The following MAML2 variants were observed in gnomAD, a reference collection of about 807,000 sequenced individuals.
MAML2 encodes the protein mastermind-like protein 2.
Under a neutral mutation model 96.1 loss-of-function variants are expected in MAML2, and 22 were observed. The ratio of observed to expected loss-of-function variants is 0.23; its 90% CI spans 0.16 to 0.33. MAML2 has a LOEUF of 0.33. MAML2 is among the 10% of genes least tolerant of loss of function. The pLI is 1.00. For missense variants in MAML2, 1,367 were observed against 1,392.4 expected (o/e 0.98, Z 0.29); for synonymous variants, 561 against 521.3 (o/e 1.08, Z -1.04).
chr11:96,023,754 A>G (rs1858472722), intron 2 of MAML2, among the ~76,000 whole-genome samples: 2 of 152,202 alleles, frequency 1.3e-5, no homozygotes, highest in South Asian at 4.1e-4. Flanking sequence ...GAACATTTCC[A>G]GGCTTAGAGC....
rs6144460 is a variant in MAML2 at position 96,058,294 on chromosome 11, T to TTTTG, written c.2139+33594_2139+33597dup. On this transcript the variant is annotated intron_variant, in intron 2 of 4. Transcript: ENST00000524717. The stretch of plus-strand genomic sequence containing the variant: ...ATGAGGCCATCCAAGTCCAAGCAGT[T>TTTTG]TTTGTTTGTTTGTTTGTTTTGTTTT... Among the ~76,000 whole-genome samples, 448 of 151,110 alleles carry TTTTG rather than the reference T, an allele frequency of 3.0e-3. 1 individual carries two copies. Among genetic ancestry groups the TTTTG allele is most frequent in the African/African-American group, 9.9e-3 (406 of 41,212 alleles).
chr11:96,166,130 T>TC (rs1565234950), intron 1 of MAML2, among the ~76,000 whole-genome samples: 3 of 121,042 alleles, frequency 2.5e-5, no homozygotes, highest in Non-Finnish European at 3.7e-5. Context: ...CTGTCTCTCT[T>TC]TCTCTGTCTC....
chr11:96,274,077 C>CA (rs1674736405), intron 1 of MAML2, among the ~76,000 whole-genome samples: 8 of 91,792 alleles, frequency 8.7e-5, no homozygotes, highest in Non-Finnish European at 1.7e-4. Flanking sequence ...TTTCCTTTTC[C>CA]TTTTTTTTTT....
At chr11:96,186,231 C>G (rs1751011394) in intron 1 of MAML2, among the ~76,000 whole-genome samples, 1 of 152,192 alleles carries the variant, frequency 6.6e-6, no homozygotes, top group Non-Finnish European at 1.5e-5. Context: ...CCTATCAAAT[C>G]ACAGGAGAAT....
intron 1 of MAML2, among the ~76,000 whole-genome samples, chr11:96,187,743 G>A (rs922879110): frequency 5.3e-5 from 8 of 151,154 alleles, no homozygotes; most frequent in Non-Finnish European, 1.0e-4. Flanking sequence ...GCAGTGAGCC[G>A]AGATCGTGCC....
At chr11:96,056,874 C>G (rs1037641164) in intron 2 of MAML2, among the ~76,000 whole-genome samples, 54 of 152,114 alleles carry the variant, frequency 3.5e-4, no homozygotes, top group African/African-American at 1.2e-3. Context: ...GTGGACAAGC[C>G]ATTTTGACTG....
At chr11:96,180,307 G>C (rs549036506) in intron 1 of MAML2, among the ~76,000 whole-genome samples, 4 of 152,282 alleles carry the variant, frequency 2.6e-5, no homozygotes, top group East Asian at 3.9e-4. Context: ...TCTCGAATCA[G>C]AGCCAGAATG....
intron 2 of MAML2, among the ~76,000 whole-genome samples, chr11:96,000,439 G>T (rs947624493): frequency 1.3e-5 from 2 of 152,052 alleles, no homozygotes; most frequent in Non-Finnish European, 2.9e-5. Flanking sequence ...GAGACCTACG[G>T]CACACAAAGC....
intron 2 of MAML2, among the ~76,000 whole-genome samples, chr11:96,076,553 G>A (rs138805260): frequency 2.6e-5 from 4 of 151,920 alleles, no homozygotes; most frequent in East Asian, 1.9e-4. Context: ...GGGAAGCCTC[G>A]GCATCTGAAT....
At chr11:96,063,639 G>A (rs1428054222) in intron 2 of MAML2, among the ~76,000 whole-genome samples, 5 of 152,278 alleles carry the variant, frequency 3.3e-5, no homozygotes, top group East Asian at 3.9e-4. Context: ...ATCTTAGAGA[G>A]GTTGCTAATT....
chr11:96,261,404 T>C (rs1449200013), intron 1 of MAML2, among the ~76,000 whole-genome samples: 1 of 152,164 alleles, frequency 6.6e-6, no homozygotes, highest in African/African-American at 2.4e-5. Context: ...TGTTTTGTTA[T>C]AAGCAAAAGA....
At chr11:96,167,459 G>A (rs1432653361) in intron 1 of MAML2, among the ~76,000 whole-genome samples, 3 of 152,150 alleles carry the variant, frequency 2.0e-5, no homozygotes, top group South Asian at 4.1e-4. Flanking sequence ...CCTGCCTGAG[G>A]AGGCTGCCCA....
At chr11:96,212,800 C>T (rs1861991021) in intron 1 of MAML2, among the ~76,000 whole-genome samples, 1 of 152,144 alleles carries the variant, frequency 6.6e-6, no homozygotes, top group Admixed American at 6.5e-5. Context: ...CATAAAGGAG[C>T]AAGAAGACCT....
chr11:96,209,795 T>C (rs1645493847), intron 1 of MAML2, among the ~76,000 whole-genome samples: 1 of 152,156 alleles, frequency 6.6e-6, no homozygotes, highest in Non-Finnish European at 1.5e-5. Context: ...TTTTGTAAAT[T>C]ACCCTCCAGC....
intron 2 of MAML2, among the ~76,000 whole-genome samples, chr11:96,084,171 G>A (rs1240412649): frequency 2.0e-5 from 3 of 152,092 alleles, no homozygotes; most frequent in African/African-American, 7.2e-5. Flanking sequence ...TAGGAGTCAA[G>A]GGAAGAGAAA....
At chr11:96,138,570 T>C (rs1331311339) in intron 1 of MAML2, among the ~76,000 whole-genome samples, 47 of 152,192 alleles carry the variant, frequency 3.1e-4, no homozygotes, top group Non-Finnish European at 5.9e-5. Context: ...GCACTCTTCC[T>C]GTTTTCCTTA....
chr11:96,212,880 G>A (rs1159489374), intron 1 of MAML2, among the ~76,000 whole-genome samples: 2 of 152,142 alleles, frequency 1.3e-5, no homozygotes, highest in Non-Finnish European at 2.9e-5. Flanking sequence ...AATCTCTGCA[G>A]GCAAATTGCT....
At chr11:96,017,526 T>A (rs1335085913) in intron 2 of MAML2, among the ~76,000 whole-genome samples, 1 of 152,012 alleles carries the variant, frequency 6.6e-6, no homozygotes, top group Non-Finnish European at 1.5e-5. Flanking sequence ...AACATTTTAG[T>A]GTAGGAAGAC....
At chr11:96,165,254 C>A (rs1861173479) in intron 1 of MAML2, among the ~76,000 whole-genome samples, 1 of 152,076 alleles carries the variant, frequency 6.6e-6, no homozygotes, top group Non-Finnish European at 1.5e-5. Context: ...ATCAGAATCA[C>A]CTTGAAAGGC....
Sources: allele counts gnomAD v4.1 joint callset (sites outside exome capture counted in the v4.1 genomes callset), GRCh38; gene constraint gnomAD v4.1.1; transcripts MANE v1.5; gene names NCBI Gene and HGNC (gene_info 2026-07-23, HGNC 2026-07-21).